The following EPHA4 variants were observed in gnomAD, a reference collection of about 807,000 sequenced individuals.
EPHA4 encodes the protein EPH receptor A4.
A neutral mutation model predicts 108.3 loss-of-function variants in EPHA4; 19 were observed. That is an observed-to-expected ratio of 0.18 (90% CI 0.12 to 0.26). The LOEUF is 0.26. Ranked by LOEUF, EPHA4 falls within the 10% of genes least tolerant of loss-of-function variation. The pLI, the probability that EPHA4 is intolerant of heterozygous loss-of-function variation, is 1.00. For missense variants in EPHA4, 917 were observed against 1,254.0 expected, an observed-to-expected ratio of 0.73 and a Z score of 4.06; for synonymous variants, 449 against 455.5, an observed-to-expected ratio of 0.99 and a Z score of 0.18.
At chr2:221,509,382 T>A (rs941249795) in intron 3 of EPHA4, among the ~76,000 whole-genome samples, 1 of 152,156 alleles carries the variant, frequency 6.6e-6, no homozygotes, top group Non-Finnish European at 1.5e-5. Flanking sequence ...TATTTCGAGA[T>A]TTTTTTGTGC....
At chr2:221,567,811 TA>T (rs1488087033) in intron 2 of EPHA4, among the ~76,000 whole-genome samples, 7 of 152,312 alleles carry the variant, frequency 4.6e-5, no homozygotes, top group Admixed American at 2.0e-4. Context: ...TAAAAACTCC[TA>T]ATCTTTCACC....
rs202113758 is a variant in EPHA4, at chr2:221,436,386, C to A, written c.2346+13G>T. The A allele has an allele frequency of 1.9e-6, 3 of 1,612,590 alleles. No homozygotes were observed. The highest frequency in any genetic ancestry group is 3.3e-5 in the Admixed American group (2 of 60,020). On this transcript the variant is annotated intron_variant, in intron 13 of 17. Transcript: ENST00000281821. Reference sequence around the variant, plus strand: ...ACCAGAGTGAAAGCCCAGATGTCACCGATCTTTCTTACCCTGGTGGTGTAA... The same window carrying A: ...ACCAGAGTGAAAGCCCAGATGTCACAGATCTTTCTTACCCTGGTGGTGTAA...
rs1694836162 is a variant in EPHA4, at chr2:221,571,490, A to G, written c.91+668T>C. ...GAAAAGCTAAAACTCGACTGCGTTCAACTTGCCGGCGGGTTCCCCAAGTCT... is the reference window on the plus strand; with the variant it reads ...GAAAAGCTAAAACTCGACTGCGTTCGACTTGCCGGCGGGTTCCCCAAGTCT... On this transcript the variant is annotated intron_variant, in intron 1 of 17. Coordinates refer to ENST00000281821, the MANE Select transcript of EPHA4 (RefSeq NM_004438.5). The surrounding 1 kb of genome is among the most constrained non-coding windows in gnomAD (Gnocchi z 6.3). Among the ~76,000 whole-genome samples the G allele has an allele frequency of 6.6e-6, 1 of 152,230 alleles. No individual in the cohort carries two copies. The highest frequency in any genetic ancestry group is 2.1e-4 in the South Asian group (1 of 4,832).
At chr2:221,468,001 T>A (rs1559253701) in intron 5 of EPHA4, among the ~76,000 whole-genome samples, 1 of 152,154 alleles carries the variant, frequency 6.6e-6, no homozygotes, top group Non-Finnish European at 1.5e-5. Context: ...GAAAATGGGG[T>A]GAAACTAGCA....
At chr2:221,444,321 C>T (rs975048835) in intron 9 of EPHA4, among the ~76,000 whole-genome samples, 3 of 152,120 alleles carry the variant, frequency 2.0e-5, no homozygotes, top group Admixed American at 6.5e-5. Context: ...ATGTGTTTGC[C>T]GGCAGCCCAG....
chr2:221,490,486 A>C (rs1161562690), intron 4 of EPHA4, among the ~76,000 whole-genome samples: 1 of 151,730 alleles, frequency 6.6e-6, no homozygotes, highest in African/African-American at 2.4e-5. Context: ...GCATGGGCAG[A>C]AAGGTAACTC....
At chr2:221,546,850 C>A (rs957093362) in intron 3 of EPHA4, among the ~76,000 whole-genome samples, 1 of 152,190 alleles carries the variant, frequency 6.6e-6, no homozygotes, top group African/African-American at 2.4e-5. Context: ...ATATAGATAG[C>A]TAGTCTGCCT....
intron 3 of EPHA4, among the ~76,000 whole-genome samples, chr2:221,520,937 C>T (rs1485126652): frequency 6.6e-6 from 1 of 152,128 alleles, no homozygotes; most frequent in Non-Finnish European, 1.5e-5. Flanking sequence ...AATATATTTG[C>T]ATTTTGTTAA....
chr2:221,504,473 T>C (rs1293729442), intron 3 of EPHA4, among the ~76,000 whole-genome samples: 1 of 152,018 alleles, frequency 6.6e-6, no homozygotes, highest in Non-Finnish European at 1.5e-5. Flanking sequence ...TTTGATGCAT[T>C]GATGTGTGTA....
In EPHA4 at chr2:221,456,680, G is replaced by A. The variant is rs761792164; in HGVS notation, c.1536C>T (p.His512=). The change falls in exon 7 of 18, where the codon CAC becomes CAT. Residue 512 remains histidine (H), a synonymous_variant. Coordinates refer to ENST00000281821, the MANE Select transcript of EPHA4 (RefSeq NM_004438.5). The part of the protein sequence containing the change: ...GLNPLTSYVF[H]VRARTAAGYG... ...AGCCAGCTGCTGTCCTGGCTCGCAC[G>A]TGGAAAACATAGGAAGTGAGAGGGT... 4 of 1,613,948 alleles carry A rather than the reference G, an allele frequency of 2.5e-6. No individual in the cohort carries two copies. Among genetic ancestry groups the A allele is most frequent in the East Asian group, 2.2e-5 (1 of 44,864 alleles).
chr2:221,486,557 G>A (rs750434653), intron 4 of EPHA4, among the ~76,000 whole-genome samples: 6 of 151,578 alleles, frequency 4.0e-5, no homozygotes, highest in Non-Finnish European at 8.8e-5. Flanking sequence ...TGAAACCCCC[G>A]TCTCTACTAA....
intron 4 of EPHA4, among the ~76,000 whole-genome samples, chr2:221,483,602 A>G (rs183796011): frequency 6.7e-6 from 1 of 150,186 alleles, no homozygotes; most frequent in East Asian, 2.0e-4. Context: ...TGCAACTTTC[A>G]CCTCCCAGGT....
chr2:221,427,798 A>G (rs1423125176), intron 15 of EPHA4, among the ~76,000 whole-genome samples: 1 of 152,208 alleles, frequency 6.6e-6, no homozygotes, highest in Non-Finnish European at 1.5e-5. Flanking sequence ...ACTTTTCTAC[A>G]TAGCAGAATT....
chr2:221,523,779 GA>G (rs1444768364), intron 3 of EPHA4, among the ~76,000 whole-genome samples: 1 of 146,934 alleles, frequency 6.8e-6, no homozygotes, highest in African/African-American at 2.5e-5. Context: ...GCATTTTTAA[GA>G]GAGACAAGGT....
chr2:221,522,941 G>A (rs965200892), intron 3 of EPHA4, among the ~76,000 whole-genome samples: 14 of 151,682 alleles, frequency 9.2e-5, no homozygotes, highest in African/African-American at 2.9e-4. Context: ...AATTTTTGAC[G>A]GGGTTTCACC....
At chr2:221,435,935 AAC>A (rs1207030042) in intron 13 of EPHA4, among the ~76,000 whole-genome samples, 2 of 101,304 alleles carry the variant, frequency 2.0e-5, no homozygotes, top group African/African-American at 6.9e-5. Context: ...CTAAAACAAC[AAC>A]AAAAAAAAAA....
chr2:221,528,245 A>G (rs188373407), intron 3 of EPHA4, among the ~76,000 whole-genome samples: 18 of 152,312 alleles, frequency 1.2e-4, no homozygotes, highest in Non-Finnish European at 2.4e-4. Context: ...TTGAGTAAAA[A>G]ATACACAGAC....
intron 4 of EPHA4, among the ~76,000 whole-genome samples, chr2:221,486,002 T>G (rs1417379225): frequency 6.6e-6 from 1 of 152,232 alleles, no homozygotes; most frequent in African/African-American, 2.4e-5. Flanking sequence ...GATTATTTTC[T>G]CTTTCATTTA....
chr2:221,572,316 G>C, upstream of EPHA4: 1 of 1,423,444 alleles, frequency 7.0e-7, no homozygotes, highest in Non-Finnish European at 9.9e-7. Context: ...AGTTAGGAGA[G>C]CAGCGGGCTG....
Sources: gnomAD v4.1 joint callset for allele counts (sites outside exome capture counted in the v4.1 genomes callset) on GRCh38, gnomAD v4.1.1 for gene constraint, Gnocchi (gnomAD v3.1) non-coding constraint, MANE v1.5 for transcripts, NCBI Gene and HGNC (gene_info 2026-07-23, HGNC 2026-07-21) for gene names.